Variants in DBX2 observed in about 807,000 individuals in gnomAD.
DBX2 encodes the protein developing brain homeobox 2.
A neutral mutation model predicts 17.7 loss-of-function variants in DBX2; 16 were observed. That is an observed-to-expected ratio of 0.90 (90% confidence interval 0.61 to 1.37). The LOEUF (loss-of-function observed/expected upper bound fraction) is 1.37. Ranked by LOEUF, DBX2 falls within the 40% of genes most tolerant of loss-of-function variation. The pLI, the probability that DBX2 is intolerant of heterozygous loss-of-function variation, is 0.00. For missense variants in DBX2, 538 were observed against 433.8 expected (o/e 1.24, Z -2.13); for synonymous variants, 255 against 183.8 (o/e 1.39, Z -3.13).
In DBX2 at chr12:45,016,399, T is replaced by G; in HGVS notation, c.907A>C (p.Ile303Leu). ...ENSPEPSERL[I>L]QESSGAPPPE... ...GGTGGTGCCCCTGAACTCTCCTGGATTAGTCTTTCTGAAGGTTCTGGAGAA... is the reference window on the plus strand; with the variant it reads ...GGTGGTGCCCCTGAACTCTCCTGGAGTAGTCTTTCTGAAGGTTCTGGAGAA... The change falls in exon 4 of 4, where the codon ATC (isoleucine) becomes CTC (leucine). Residue 303 changes from isoleucine (I) to leucine (L), a missense_variant. Transcript: ENST00000332700. 1 of 1,614,068 alleles carries G rather than the reference T, an allele frequency of 6.2e-7. No homozygotes were observed. Among genetic ancestry groups the G allele is most frequent in the Non-Finnish European group, 8.5e-7 (1 of 1,179,978 alleles).
At chr12:45,020,906 G>A (rs10880729) in intron 3 of DBX2, among the ~76,000 whole-genome samples, 3,200 of 152,038 alleles carry the variant, frequency 0.021, 113 homozygotes, top group East Asian at 0.18. Flanking sequence ...ATTCAAACAA[G>A]CGCCATTTGT....
chr12:45,036,709 C>T (rs2137027536), intron 1 of DBX2, among the ~76,000 whole-genome samples: 1 of 152,208 alleles, frequency 6.6e-6, no homozygotes, highest in Admixed American at 6.5e-5. Context: ...TCAGATGGTT[C>T]TTTGAAACAT....
At chr12:45,029,630 G>A (rs1359876199) in intron 2 of DBX2, among the ~76,000 whole-genome samples, 3 of 152,008 alleles carry the variant, frequency 2.0e-5, no homozygotes, top group Non-Finnish European at 4.4e-5. Context: ...TTTGGGAGGC[G>A]GAGGTGGGCA....
chr12:45,047,910 G>A (rs1182132025), intron 1 of DBX2, among the ~76,000 whole-genome samples: 1 of 152,110 alleles, frequency 6.6e-6, no homozygotes, highest in Admixed American at 6.6e-5. Flanking sequence ...CACCTCATTA[G>A]CTTATTAGGA....
intron 2 of DBX2, among the ~76,000 whole-genome samples, chr12:45,025,177 A>G: frequency 6.6e-6 from 1 of 152,204 alleles, no homozygotes; most frequent in East Asian, 1.9e-4. Context: ...CGTATCTTGT[A>G]TTACCCAGGT....
intron 1 of DBX2, among the ~76,000 whole-genome samples, chr12:45,039,277 G>GTATA (rs58371508): frequency 2.3e-3 from 208 of 90,226 alleles, no homozygotes; most frequent in Non-Finnish European, 3.2e-3. Context: ...TGCATTGAAG[G>GTATA]TATATATATA....
intron 1 of DBX2, among the ~76,000 whole-genome samples, chr12:45,045,691 C>A (rs545540986): frequency 1.3e-5 from 2 of 152,200 alleles, no homozygotes; most frequent in South Asian, 2.1e-4. Context: ...AATAAAATCA[C>A]CCTTGGCAAT....
At chr12:45,024,249 A>G (rs2643141) in intron 2 of DBX2, among the ~76,000 whole-genome samples, 94,735 of 152,026 alleles carry the variant, frequency 0.62, 29,965 homozygotes, top group South Asian at 0.84. Context: ...CTGCCATGTG[A>G]AGAAGGACAT....
chr12:45,030,320 T>G (rs1335265927), intron 2 of DBX2, among the ~76,000 whole-genome samples: 1 of 152,330 alleles, frequency 6.6e-6, no homozygotes, highest in Admixed American at 6.5e-5. Flanking sequence ...GGCCTGTCTA[T>G]CTACACCACT....
Position 45,015,717 on chromosome 12 carries a change from G to A in DBX2, c.*569C>T, listed in dbSNP as rs1946319594. The A allele has an allele frequency of 6.6e-6, 1 of 152,068 alleles. No homozygotes were observed. The highest frequency in any genetic ancestry group is 1.5e-5 in the Non-Finnish European group (1 of 68,018). 9.4% of individuals were successfully genotyped at this position (152,068 alleles called of 1,614,324 possible). A position where few individuals can be genotyped will look rare whatever the true frequency, so the allele number is the denominator to read the frequency against. On this transcript the variant is annotated 3_prime_UTR_variant, in exon 4 of 4. Coordinates refer to ENST00000332700, the MANE Select transcript of DBX2 (RefSeq NM_001004329.3). ...ATTCTCAGTGTATGTATCTAGCAGT[G>A]GCTCATTTGTTGAGGACTGCTGAGC...
chr12:45,051,092 G>C lies in DBX2; in HGVS notation c.-165C>G. On this transcript the variant is annotated 5_prime_UTR_variant, in exon 1 of 4. Coordinates refer to ENST00000332700, the MANE Select transcript of DBX2 (RefSeq NM_001004329.3). ...GGCCACCCGGGACGGCGGCGGACTT[G>C]GAACGATATTATTTATTTGCGTTGG... The C allele has an allele frequency of 8.1e-6, 6 of 739,866 alleles. No individual in the cohort carries two copies. The highest frequency in any genetic ancestry group is 1.1e-5 in the Non-Finnish European group (6 of 529,558). 45.8% of individuals were successfully genotyped at this position (739,866 alleles called of 1,614,324 possible). A position where few individuals can be genotyped will look rare whatever the true frequency, so the allele number is the denominator to read the frequency against.
Position 45,050,844 on chromosome 12 carries a change from C to G in DBX2, c.84G>C (p.Ala28=), listed in dbSNP as rs772196893. The G allele has an allele frequency of 5.9e-5, 91 of 1,538,110 alleles. No individual in the cohort carries two copies. Among genetic ancestry groups the G allele is most frequent in the Non-Finnish European group, 7.3e-5 (84 of 1,145,310 alleles). The part of the protein sequence containing the change: ...ASSALLNLPA[A]PGFGNLGKSF... ...TCTTGCCCAGGTTGCCAAAGCCGGG[C>G]GCAGCGGGGAGGTTGAGGAGCGCGG... The change falls in exon 1 of 4, where the codon GCG becomes GCC. Residue 28 remains alanine, a synonymous_variant. Transcript: ENST00000332700.
intron 2 of DBX2, among the ~76,000 whole-genome samples, chr12:45,031,215 TGTGTGTGTGTGAGAGA>T (rs1312183416): frequency 1.3e-4 from 13 of 103,532 alleles, no homozygotes; most frequent in South Asian, 1.1e-3. Flanking sequence ...TGTGTGTGTG[TGTGTGTGTGTGAGAGA>T]GAGAGAGAGA....
intron 1 of DBX2, among the ~76,000 whole-genome samples, chr12:45,040,223 C>T (rs138535944): frequency 6.6e-6 from 1 of 152,068 alleles, no homozygotes; most frequent in African/African-American, 2.4e-5. Flanking sequence ...AGCCTACCAG[C>T]CTACATCTTT....
chr12:45,040,798 T>C (rs1038823804), intron 1 of DBX2, among the ~76,000 whole-genome samples: 2 of 152,188 alleles, frequency 1.3e-5, no homozygotes, highest in Non-Finnish European at 2.9e-5. Context: ...TTTAAATTGT[T>C]TTTGTCCTTT....
intron 1 of DBX2, among the ~76,000 whole-genome samples, chr12:45,046,677 C>T (rs138068627): frequency 1.5e-3 from 226 of 152,196 alleles, no homozygotes; most frequent in African/African-American, 5.3e-3. Flanking sequence ...AAAAAACTAC[C>T]GTTTGCAGCA....
intron 1 of DBX2, among the ~76,000 whole-genome samples, chr12:45,040,975 A>G (rs1946467987): frequency 6.6e-6 from 1 of 151,360 alleles, no homozygotes; most frequent in Admixed American, 6.6e-5. Flanking sequence ...TTCAGGAACC[A>G]CTGCATTTAA....
At chr12:45,037,154 T>C (rs774705430) in intron 1 of DBX2, among the ~76,000 whole-genome samples, 1 of 152,206 alleles carries the variant, frequency 6.6e-6, no homozygotes, top group Admixed American at 6.5e-5. Context: ...CCTCAGTAGA[T>C]GAGAACAGCT....
intron 1 of DBX2, among the ~76,000 whole-genome samples, chr12:45,049,801 C>T (rs1946519394): frequency 6.6e-6 from 1 of 152,168 alleles, no homozygotes; most frequent in African/African-American, 2.4e-5. Context: ...TCTTCCCAGT[C>T]CCACTAGTTA....
Sources: allele counts gnomAD v4.1 joint callset (sites outside exome capture counted in the v4.1 genomes callset), GRCh38; gene constraint gnomAD v4.1.1; transcripts MANE v1.5; gene names NCBI Gene and HGNC (gene_info 2026-07-23, HGNC 2026-07-21).